L3MBTL4: variants seen among roughly 807,000 people sequenced by gnomAD.
The protein encoded by L3MBTL4 is lethal(3)malignant brain tumor-like protein 4.
Under a neutral mutation model 84.5 loss-of-function variants are expected in L3MBTL4, and 70 were observed. The ratio of observed to expected loss-of-function variants is 0.83; its 90% CI spans 0.68 to 1.01. The LOEUF is 1.01. Among genes scored for constraint, L3MBTL4 ranks in the 50% least tolerant of loss-of-function variants. The pLI, the probability that L3MBTL4 is intolerant of heterozygous loss-of-function variation, is 0.00. For synonymous variants in L3MBTL4, 274 were observed against 259.8 expected, an observed-to-expected ratio of 1.05 and a Z score of -0.52; for missense variants, 715 against 754.8, an observed-to-expected ratio of 0.95 and a Z score of 0.62.
intron 13 of L3MBTL4, 23 bp from the exon 14 acceptor site, chr18:6,138,319 C>A (rs778925668): frequency 4.3e-6 from 6 of 1,398,730 alleles, no homozygotes; most frequent in East Asian, 2.3e-5. Context: ...AAAGAACATG[C>A]CTTGAAAACA....
intron 13 of L3MBTL4, among the ~76,000 whole-genome samples, chr18:6,166,920 A>G (rs867132764): frequency 3.3e-5 from 5 of 152,248 alleles, no homozygotes; most frequent in South Asian, 4.1e-4. Flanking sequence ...CAAAATTGAT[A>G]GACCGCTAGC....
intron 1 of L3MBTL4, among the ~76,000 whole-genome samples, chr18:6,400,538 T>C (rs1018025677): frequency 2.6e-5 from 4 of 152,146 alleles, no homozygotes; most frequent in East Asian, 3.9e-4. Flanking sequence ...GCCTCCCAAA[T>C]AGCTGGGACT....
chr18:6,053,492 C>T (rs955409995), intron 16 of L3MBTL4, among the ~76,000 whole-genome samples: 5 of 152,186 alleles, frequency 3.3e-5, no homozygotes, highest in Admixed American at 1.3e-4. Context: ...AGGCTGCCAA[C>T]ACCACAACCT....
intron 15 of L3MBTL4, 194 bp from the exon 16 acceptor site, chr18:6,081,145 T>C: frequency 2.3e-6 from 1 of 439,412 alleles, no homozygotes; most frequent in Non-Finnish European, 4.0e-6. Flanking sequence ...AACTCTGACT[T>C]TGAACCCTGA....
At chr18:5,968,265 A>G (rs529376159) in intron 17 of L3MBTL4, among the ~76,000 whole-genome samples, 24 of 152,358 alleles carry the variant, frequency 1.6e-4, no homozygotes, top group African/African-American at 5.8e-4. Flanking sequence ...AGTTTCTCTA[A>G]GGCCTGACTA....
chr18:6,170,473 G>T (rs1263554860), intron 13 of L3MBTL4, among the ~76,000 whole-genome samples: 3 of 152,180 alleles, frequency 2.0e-5, no homozygotes, highest in African/African-American at 4.8e-5. Flanking sequence ...GCAGAGTCTG[G>T]AATGGCAACT....
In L3MBTL4 at chr18:6,090,790, ATTTTT is replaced by A. The variant is rs71370543; in HGVS notation, c.1373+2560_1373+2564del. ...CAGGCACATGCCACCACACCCACCT[ATTTTT>A]TTTTTTTTTTTGTATTTTTTGTAGA... is the stretch of plus-strand genomic sequence containing the variant. On this transcript the variant is annotated intron_variant, in intron 15 of 18. Coordinates refer to ENST00000317931, the MANE Select transcript of L3MBTL4 (RefSeq NM_001330559.2). Among the ~76,000 whole-genome samples the A allele has an allele frequency of 3.9e-5, 5 of 129,744 alleles. 1 individual carries two copies. The highest frequency in any genetic ancestry group is 1.4e-4 in the African/African-American group (5 of 35,176). 85.1% of individuals were successfully genotyped at this position (129,744 alleles called of 152,430 possible).
In L3MBTL4 at chr18:6,000,474, A is replaced by G. The variant is rs147897540; in HGVS notation, c.1445-30912T>C. ...GGACCTTGCATAACCCGGAGTCAGG[A>G]TTATACTCATAAAAGATAAAAATGA... On this transcript the variant is annotated intron_variant, in intron 16 of 18. Transcript: ENST00000317931. Among the ~76,000 whole-genome samples, 472 of 152,308 alleles carry G rather than the reference A, an allele frequency of 3.1e-3. 3 individuals are homozygous for G. The highest frequency in any genetic ancestry group is 0.011 in the African/African-American group (454 of 41,586).
intron 12 of L3MBTL4, among the ~76,000 whole-genome samples, chr18:6,200,469 A>G (rs886989795): frequency 7.9e-5 from 12 of 152,210 alleles, no homozygotes; most frequent in African/African-American, 2.9e-4. Context: ...TTAGAATTAC[A>G]TTTATTTTAA....
intron 13 of L3MBTL4, among the ~76,000 whole-genome samples, chr18:6,157,772 A>G (rs1362299947): frequency 6.6e-6 from 1 of 152,254 alleles, no homozygotes; most frequent in Non-Finnish European, 1.5e-5. Context: ...ATACACTTTA[A>G]CTTCATAATG....
At chr18:5,988,164 T>C (rs1335508322) in intron 16 of L3MBTL4, among the ~76,000 whole-genome samples, 1 of 152,154 alleles carries the variant, frequency 6.6e-6, no homozygotes, top group East Asian at 1.9e-4. Context: ...ATCAGTGGAC[T>C]TGGGAAGGAG....
intron 13 of L3MBTL4, among the ~76,000 whole-genome samples, chr18:6,166,442 A>G (rs1288762089): frequency 1.3e-5 from 2 of 152,206 alleles, no homozygotes; most frequent in East Asian, 1.9e-4. Flanking sequence ...AGCACTCCTC[A>G]GCAAATGTAA....
chr18:6,230,606 G>C (rs1218973445), intron 10 of L3MBTL4, among the ~76,000 whole-genome samples: 1 of 152,070 alleles, frequency 6.6e-6, no homozygotes, highest in African/African-American at 2.4e-5. Context: ...TCAATATCAG[G>C]ACTGCTAGAT....
At chr18:5,997,782 C>T (rs1048130090) in intron 16 of L3MBTL4, among the ~76,000 whole-genome samples, 5 of 152,102 alleles carry the variant, frequency 3.3e-5, no homozygotes, top group Admixed American at 2.0e-4. Flanking sequence ...TTAACCTTGG[C>T]AAAATAAACT....
chr18:6,161,994 G>A (rs967144369), intron 13 of L3MBTL4, among the ~76,000 whole-genome samples: 6 of 150,900 alleles, frequency 4.0e-5, no homozygotes, highest in Admixed American at 1.3e-4. Flanking sequence ...GTGTATGTAC[G>A]CATTTTTCTT....
intron 4 of L3MBTL4, among the ~76,000 whole-genome samples, chr18:6,286,766 C>T (rs1200123167): frequency 2.0e-5 from 3 of 152,076 alleles, no homozygotes; most frequent in Non-Finnish European, 4.4e-5. Flanking sequence ...CCCTCCAGGT[C>T]ACCTCTCTCT....
At chr18:6,111,237 TGA>T (rs1437353014) in intron 14 of L3MBTL4, among the ~76,000 whole-genome samples, 4 of 152,258 alleles carry the variant, frequency 2.6e-5, no homozygotes, top group African/African-American at 9.6e-5. Context: ...TTGGGGCTGA[TGA>T]GAGTGTTCTA....
chr18:6,115,735 C>G (rs1352291664), intron 14 of L3MBTL4, among the ~76,000 whole-genome samples: 1 of 152,150 alleles, frequency 6.6e-6, no homozygotes, highest in Non-Finnish European at 1.5e-5. Context: ...TAATCTTCAT[C>G]CTTCATGTGC....
chr18:6,116,162 G>C (rs1433847435), intron 14 of L3MBTL4, among the ~76,000 whole-genome samples: 1 of 152,124 alleles, frequency 6.6e-6, no homozygotes, highest in Non-Finnish European at 1.5e-5. Flanking sequence ...CAGAAGAGCA[G>C]GACATAAAGG....
Sources: gnomAD v4.1 joint callset for allele counts (sites outside exome capture counted in the v4.1 genomes callset) on GRCh38, gnomAD v4.1.1 for gene constraint, MANE v1.5 for transcripts, NCBI Gene and HGNC (gene_info 2026-07-23, HGNC 2026-07-21) for gene names.